Variants in ZAP70 observed in about 807,000 individuals in gnomAD.
ZAP70 encodes the protein zeta chain of T cell receptor associated protein kinase 70.
In ZAP70, 27 loss-of-function variants were observed where a neutral mutation model predicts 65.8. That is an observed-to-expected ratio of 0.41 (90% CI 0.30 to 0.57). ZAP70 has a LOEUF of 0.57. Among genes scored for constraint, ZAP70 ranks in the 20% least tolerant of loss-of-function variants. ZAP70 has a pLI of 0.28. For missense variants in ZAP70, 696 were observed against 870.5 expected, an observed-to-expected ratio of 0.80 and a Z score of 2.52; for synonymous variants, 363 against 360.8, an observed-to-expected ratio of 1.01 and a Z score of -0.07.
At position 97,724,168 on chromosome 2, in the gene ZAP70, C is replaced by A; in HGVS notation, c.132C>A (p.Gly44=). The A allele has an allele frequency of 1.3e-6, 2 of 1,585,846 alleles. No homozygotes were observed. Among genetic ancestry groups the A allele is most frequent in the East Asian group, 2.3e-5 (1 of 43,758 alleles). The stretch of plus-strand genomic sequence containing the variant: ...TGCGCCAGTGCCTGCGCTCGCTGGG[C>A]GGCTATGTGCTGTCGCTCGTGCACG... ...FLLRQCLRSL[G]GYVLSLVHDV... The change falls in exon 3 of 14, where the codon GGC becomes GGA. Residue 44 remains glycine, a synonymous_variant. Transcript: ENST00000264972.
intron 7 of ZAP70, 69 bp from the exon 8 acceptor site, chr2:97,733,475 G>T (rs781685153): frequency 1.2e-6 from 2 of 1,609,664 alleles, no homozygotes; most frequent in South Asian, 1.1e-5. Flanking sequence ...GGAGTCCTCA[G>T]TGGATATAGG....
chr2:97,738,120 G>C lies in ZAP70; in HGVS notation c.1736+13G>C. 6.3e-7 allele frequency: 1 copy of C among 1,585,018 alleles called. No homozygotes were observed. The highest frequency in any genetic ancestry group is 1.1e-5 in the South Asian group (1 of 87,570). ...GCTGGATCTACAAGTGAGTGCCAGT[G>C]GGGAGGGGACCCGGCTGGGCTGACC... is the stretch of plus-strand genomic sequence containing the variant. On this transcript the variant is annotated intron_variant, in intron 13 of 13. Transcript: ENST00000264972.
chr2:97,717,613 T>A (rs1676990763), intron 2 of ZAP70, among the ~76,000 whole-genome samples: 1 of 152,214 alleles, frequency 6.6e-6, no homozygotes, highest in African/African-American at 2.4e-5. Context: ...GGGCTTCTGA[T>A]GCCCAGGGAA....
At chr2:97,716,790 G>C (rs996857581) in intron 2 of ZAP70, among the ~76,000 whole-genome samples, 1 of 152,118 alleles carries the variant, frequency 6.6e-6, no homozygotes, top group African/African-American at 2.4e-5. Context: ...CCCGAGTGAG[G>C]TGGGAGCCTA....
At position 97,738,017 on chromosome 2, in the gene ZAP70, T is replaced by C; in HGVS notation, c.1646T>C (p.Met549Thr). ...PYKKMKGPEVMAFIEQGKRME... is the reference protein window; with the variant it reads ...PYKKMKGPEVTAFIEQGKRME... ...CAGAAGATGAAAGGGCCGGAGGTCA[T>C]GGCCTTCATCGAGCAGGGCAAGCGG... The change falls in exon 13 of 14, where the codon ATG becomes ACG. Residue 549 changes from methionine to threonine, a missense_variant. Transcript: ENST00000264972. 6.2e-7 allele frequency: 1 copy of C among 1,613,458 alleles called. No homozygotes were observed. The highest frequency in any genetic ancestry group is 8.5e-7 in the Non-Finnish European group (1 of 1,179,568).
Position 97,733,121 on chromosome 2 carries a change from G to C in ZAP70, c.703-4G>C, listed in dbSNP as rs766552648. The C allele has an allele frequency of 9.9e-6, 16 of 1,614,030 alleles. No homozygotes were observed. The East Asian group carries it at 3.6e-4, about 36-fold the overall frequency. On this transcript the variant is annotated splice_region_variant and splice_polypyrimidine_tract_variant and intron_variant, in intron 5 of 13. Coordinates refer to ENST00000264972, the MANE Select transcript of ZAP70 (RefSeq NM_001079.4). Reference sequence around the variant, plus strand: ...CCTCTCTGCTAGCTGCCTGCTCCCTGCAGCTGGTGGAGTATCTGAAGCTGA... The same window carrying C: ...CCTCTCTGCTAGCTGCCTGCTCCCTCCAGCTGGTGGAGTATCTGAAGCTGA...
intron 7 of ZAP70, 96 bp downstream of exon 7, chr2:97,733,439 A>G (rs1677704417): frequency 1.9e-6 from 3 of 1,602,696 alleles, no homozygotes; most frequent in African/African-American, 1.3e-5. Flanking sequence ...TGTGGAGCGG[A>G]AGAAGCTCTC....
chr2:97,747,826 T>G, the ZAP70 span, among the ~76,000 whole-genome samples: 2 of 128,326 alleles, frequency 1.6e-5, no homozygotes, highest in African/African-American at 3.0e-5. Flanking sequence ...TTTTTTTTTT[T>G]TTTTTTTTTT....
chr2:97,751,451 G>A, the ZAP70 span, among the ~76,000 whole-genome samples: 4 of 152,192 alleles, frequency 2.6e-5, no homozygotes, highest in Non-Finnish European at 4.4e-5. Flanking sequence ...GTGGTTGATC[G>A]TATAATGCTA....
At chr2:97,721,177 A>T (rs955907448) in intron 2 of ZAP70, among the ~76,000 whole-genome samples, 2 of 152,224 alleles carry the variant, frequency 1.3e-5, no homozygotes, top group African/African-American at 4.8e-5. Flanking sequence ...CACCTGCTAG[A>T]TTCTCCAGTT....
At position 97,739,552 on chromosome 2, in the gene ZAP70, C is replaced by T. The variant is rs1441011303; in HGVS notation, c.*54C>T. ...GCCGGCTCTTCCCCACCCTCAGCCC[C>T]ACCCCAGGTCCTGCAGTCTGGCTGA... On this transcript the variant is annotated 3_prime_UTR_variant, in exon 14 of 14. Coordinates refer to ENST00000264972, the MANE Select transcript of ZAP70 (RefSeq NM_001079.4). The T allele has an allele frequency of 1.9e-6, 3 of 1,587,182 alleles. No individual in the cohort carries two copies. The highest frequency in any genetic ancestry group is 2.6e-6 in the Non-Finnish European group (3 of 1,167,578).
Position 97,719,559 on chromosome 2 carries a change from G to T in ZAP70, c.-21-4457G>T, listed in dbSNP as rs370042418. Among the ~76,000 whole-genome samples the T allele has an allele frequency of 6.3e-3, 957 of 151,030 alleles. 6 individuals are homozygous for T. Among genetic ancestry groups the T allele is most frequent in the South Asian group, 0.054 (252 of 4,676 alleles). On this transcript the variant is annotated intron_variant, in intron 2 of 13. Transcript: ENST00000264972. Reference sequence around the variant, plus strand: ...TCAGTGCTGGAGAACAGCCTGGGGGGGGGGCGCAGACCAGGTCTGGCTGAG... The same window carrying T: ...TCAGTGCTGGAGAACAGCCTGGGGGTGGGGCGCAGACCAGGTCTGGCTGAG...
At chr2:97,728,025 G>A (rs547955747) in intron 4 of ZAP70, among the ~76,000 whole-genome samples, 6 of 152,302 alleles carry the variant, frequency 3.9e-5, no homozygotes, top group Admixed American at 3.3e-4. Flanking sequence ...GACGACAGCC[G>A]CTCAGCTTTG....
chr2:97,745,409 C>T, the ZAP70 span, among the ~76,000 whole-genome samples: 3 of 152,174 alleles, frequency 2.0e-5, no homozygotes, highest in African/African-American at 4.8e-5. Context: ...AAAATGTTAG[C>T]AAATCATTTA....
chr2:97,741,187 G>A (rs752458130), downstream of ZAP70, among the ~76,000 whole-genome samples: 1 of 152,160 alleles, frequency 6.6e-6, no homozygotes, highest in Non-Finnish European at 1.5e-5. Flanking sequence ...CGTTCCAGAG[G>A]CCATTATTTC....
chr2:97,724,414 C>T lies in ZAP70; in HGVS notation c.378C>T (p.Tyr126=). The part of the protein sequence containing the change: ...DCLRDAMVRD[Y]VRQTWKLEGE... ...TGCGAGACGCCATGGTGCGTGACTA[C>T]GTGCGCCAGACGTGGAAGCTGGAGG... The change falls in exon 3 of 14, where the codon TAC becomes TAT. Residue 126 remains tyrosine, a synonymous_variant. Transcript: ENST00000264972. 1 of 1,538,302 alleles carries T rather than the reference C, an allele frequency of 6.5e-7. No individual in the cohort carries two copies.
At chr2:97,753,788 G>A in the ZAP70 span, among the ~76,000 whole-genome samples, 3 of 151,960 alleles carry the variant, frequency 2.0e-5, no homozygotes, top group South Asian at 4.2e-4. Flanking sequence ...AGGGGGCAAC[G>A]AAGCAAGACC....
chr2:97,749,240 A>G, the ZAP70 span, among the ~76,000 whole-genome samples: 2 of 152,002 alleles, frequency 1.3e-5, no homozygotes. Context: ...CGATCTCCTG[A>G]CCTCGGGATC....
chr2:97,744,548 AT>A (rs1678203453), downstream of ZAP70, among the ~76,000 whole-genome samples: 1 of 152,202 alleles, frequency 6.6e-6, no homozygotes, highest in African/African-American at 2.4e-5. Context: ...CTTATTAAAT[AT>A]TACTTCCTTC....
Sources: allele counts gnomAD v4.1 joint callset (sites outside exome capture counted in the v4.1 genomes callset), GRCh38; gene constraint gnomAD v4.1.1; transcripts MANE v1.5; gene names NCBI Gene and HGNC (gene_info 2026-07-23, HGNC 2026-07-21).